Variants in TMEM245 observed in about 807,000 individuals in gnomAD.
The protein encoded by TMEM245 is transmembrane protein 245.
TMEM245 carries 69 observed loss-of-function variants against 101.2 expected under a neutral mutation model. The ratio of observed to expected loss-of-function variants is 0.68; its 90% CI spans 0.56 to 0.83. TMEM245 has a LOEUF of 0.83. TMEM245 is among the 40% of genes least tolerant of loss of function. The probability of loss-of-function intolerance (pLI) is 0.00; values close to 1 mark genes in which losing one functional copy is unlikely to be tolerated. For missense variants in TMEM245, 1,075 were observed against 1,092.8 expected (o/e 0.98, Z 0.23); for synonymous variants, 537 against 449.8 (o/e 1.19, Z -2.45).
At chr9:109,027,696 A>T (rs1247097388) in intron 17 of TMEM245, among the ~76,000 whole-genome samples, 1 of 151,810 alleles carries the variant, frequency 6.6e-6, no homozygotes, top group African/African-American at 2.4e-5. Context: ...TTTGAGACAG[A>T]GTCTCGCTCT....
intron 14 of TMEM245, chr9:109,046,244 A>G (rs896469014): frequency 7.5e-6 from 4 of 534,480 alleles, no homozygotes; most frequent in South Asian, 2.8e-5. Context: ...TATCACACAC[A>G]CTAAATTGCA....
At chr9:109,047,977 A>G (rs1255206425) in intron 14 of TMEM245, among the ~76,000 whole-genome samples, 1 of 152,256 alleles carries the variant, frequency 6.6e-6, no homozygotes, top group African/African-American at 2.4e-5. Context: ...ACAAAAGATT[A>G]TCTATTGCTA....
chr9:109,055,220 T>C (rs1041353254), intron 12 of TMEM245, among the ~76,000 whole-genome samples: 2 of 152,242 alleles, frequency 1.3e-5, no homozygotes, highest in Non-Finnish European at 2.9e-5. Flanking sequence ...AGGGATTCAA[T>C]AACTTTTAGT....
chr9:109,017,567 C>T lies in TMEM245; in HGVS notation c.*2893G>A, dbSNP rs571200464. On this transcript the variant is annotated 3_prime_UTR_variant, in exon 18 of 18. Transcript: ENST00000374586. ...TGTATTTTCTCCCCTCCCATCCATT[C>T]GGTTTACAACTGAATAGCGAATGTG... is the stretch of plus-strand genomic sequence containing the variant. The T allele has an allele frequency of 3.3e-5, 5 of 152,256 alleles. No individual in the cohort carries two copies. The highest frequency in any genetic ancestry group is 2.1e-4 in the South Asian group (1 of 4,806). 9.4% of individuals were successfully genotyped at this position (152,256 alleles called of 1,614,324 possible).
In TMEM245 at chr9:109,108,450, C is replaced by T. The variant is rs1306130351; in HGVS notation, c.697+3G>A. ...AAAAAAAAAAAAAAAAGAAGGAACC[C>T]ACCTAAATGAAAAAGCAATATAATC... On this transcript the variant is annotated splice_donor_region_variant and intron_variant, in intron 2 of 17. Transcript: ENST00000374586. The T allele has an allele frequency of 6.8e-7, 1 of 1,479,430 alleles. No homozygotes were observed. Among genetic ancestry groups the T allele is most frequent in the Non-Finnish European group, 9.1e-7 (1 of 1,097,082 alleles). The allele number at this position is 1,479,430 out of a possible 1,614,324, so 91.6% of individuals were successfully genotyped here. A position where few individuals can be genotyped will look rare whatever the true frequency, so the allele number is the denominator to read the frequency against.
At position 109,093,515 on chromosome 9, in the gene TMEM245, A is replaced by G. The variant is rs1434906042; in HGVS notation, c.876T>C (p.Tyr292=). The G allele has an allele frequency of 6.2e-7, 1 of 1,614,118 alleles. No individual in the cohort carries two copies. The highest frequency in any genetic ancestry group is 1.7e-5 in the Admixed American group (1 of 60,010). The change falls in exon 4 of 18, where the codon TAT becomes TAC. Residue 292 remains tyrosine, a synonymous_variant. Coordinates refer to ENST00000374586, the MANE Select transcript of TMEM245 (RefSeq NM_032012.4). ...LANLAISITG[Y]ESSSEDQPST... ...AGGGCTGGTCTTCACTGCTTGATTC[A>G]TACCCTGTGATAGAGATGGCCAAGT...
At position 109,091,022 on chromosome 9, in the gene TMEM245, T is replaced by A. The variant is rs1449566125; in HGVS notation, c.1050A>T (p.Lys350Asn). The A allele has an allele frequency of 2.5e-6, 4 of 1,614,166 alleles. No homozygotes were observed. The highest frequency in any genetic ancestry group is 2.5e-6 in the Non-Finnish European group (3 of 1,180,028). Residue 350 changes from lysine (K) to asparagine (N), a missense_variant, in exon 5 of 18, where the codon AAA becomes AAT. Transcript: ENST00000374586. ...GAGACACAAAGTAGATGTCACTAGT[T>A]TTCTTCTTTCTAAGAAACGTTCCTA... The part of the protein sequence containing the change: ...PEIGTFLRKK[K>N]TSDIYFVSLV...
intron 14 of TMEM245, among the ~76,000 whole-genome samples, chr9:109,043,588 C>T (rs1030144462): frequency 8.2e-5 from 10 of 121,330 alleles, no homozygotes; most frequent in African/African-American, 2.8e-4. Context: ...GCTCTCCTAG[C>T]ACTCAATAGT....
chr9:109,032,375 T>C (rs918239006), intron 17 of TMEM245, among the ~76,000 whole-genome samples: 3 of 60,768 alleles, frequency 4.9e-5, no homozygotes, highest in South Asian at 6.7e-4. Flanking sequence ...CTTTTTTTTT[T>C]TTTTTTTTTT....
At chr9:109,094,680 T>C (rs1283531674) in intron 3 of TMEM245, among the ~76,000 whole-genome samples, 1 of 152,210 alleles carries the variant, frequency 6.6e-6, no homozygotes, top group Non-Finnish European at 1.5e-5. Flanking sequence ...AGAAATTCCA[T>C]GTGCAAAAAT....
intron 14 of TMEM245, among the ~76,000 whole-genome samples, chr9:109,040,849 G>A (rs1828280090): frequency 6.6e-6 from 1 of 152,106 alleles, no homozygotes; most frequent in Non-Finnish European, 1.5e-5. Flanking sequence ...CAGCTGATGG[G>A]CATTTGAGGT....
chr9:109,119,575 G>T lies in TMEM245; in HGVS notation c.339C>A (p.His113Gln), dbSNP rs1258768818. ...CCAGGACGATGGGCGTGTGCGCGCGGTGCAGGCGCTGCAGCCAGTGGCGGC... is the reference window on the plus strand; with the variant it reads ...CCAGGACGATGGGCGTGTGCGCGCGTTGCAGGCGCTGCAGCCAGTGGCGGC... Reference protein sequence around the residue: ...RLGRHWLQRLHRAHTPIVLAA... With the variant: ...RLGRHWLQRLQRAHTPIVLAA... Residue 113 changes from histidine (H) to glutamine (Q), a missense_variant, in exon 1 of 18, where the codon CAC becomes CAA. This residue lies in a region of TMEM245 where 808 missense variants were observed against 741.5 expected (regional missense o/e 1.09). Transcript: ENST00000374586. 3.2e-6 allele frequency: 5 copies of T among 1,544,616 alleles called. No homozygotes were observed. Among genetic ancestry groups the T allele is most frequent in the Non-Finnish European group, 2.6e-6 (3 of 1,149,700 alleles).
chr9:109,031,924 G>A (rs191250177), intron 17 of TMEM245, among the ~76,000 whole-genome samples: 12 of 152,242 alleles, frequency 7.9e-5, no homozygotes, highest in Admixed American at 7.2e-4. Flanking sequence ...CTATATTGGT[G>A]TCCCAAATAA....
intron 1 of TMEM245, among the ~76,000 whole-genome samples, chr9:109,112,368 C>T (rs1031631046): frequency 6.6e-6 from 1 of 151,968 alleles, no homozygotes; most frequent in South Asian, 2.1e-4. Context: ...TGGTGAAACC[C>T]CTTCTCTACT....
chr9:109,116,564 C>T (rs1339272192), intron 1 of TMEM245, among the ~76,000 whole-genome samples: 1 of 150,786 alleles, frequency 6.6e-6, no homozygotes, highest in Non-Finnish European at 1.5e-5. Context: ...CAGGGTATTG[C>T]TCTGTCACCT....
intron 1 of TMEM245, among the ~76,000 whole-genome samples, chr9:109,108,995 AG>A (rs767797505): frequency 6.6e-6 from 1 of 152,204 alleles, no homozygotes; most frequent in Non-Finnish European, 1.5e-5. Context: ...AAAAAGAATC[AG>A]GTTAAAAGAT....
Position 109,093,556 on chromosome 9 carries a change from C to T in TMEM245, c.835G>A (p.Ala279Thr). 6.2e-7 allele frequency: 1 copy of T among 1,614,120 alleles called. No homozygotes were observed. Among genetic ancestry groups the T allele is most frequent in the East Asian group, 2.2e-5 (1 of 44,884 alleles). Reference sequence around the variant, plus strand: ...ATGGCCAAGTTTGCCAGAGTAGAAGCTGCCATGGAGATAACCTGCCCTGGT... The same window carrying T: ...ATGGCCAAGTTTGCCAGAGTAGAAGTTGCCATGGAGATAACCTGCCCTGGT... ...ELPGQVISMA[A>T]STLANLAISI... is the part of the protein sequence containing the mutation. Residue 279 changes from alanine to threonine, a missense_variant, in exon 4 of 18, where the codon GCT (alanine) becomes ACT (threonine). By Grantham distance (58) the Ala-to-Thr change is moderately conservative. This residue lies in a region of TMEM245 where 808 missense variants were observed against 741.5 expected (regional missense o/e 1.09). Transcript: ENST00000374586.
At chr9:109,067,263 C>A (rs932032553) in intron 9 of TMEM245, among the ~76,000 whole-genome samples, 2 of 152,104 alleles carry the variant, frequency 1.3e-5, no homozygotes, top group Non-Finnish European at 2.9e-5. Context: ...GTCCCAGCCT[C>A]CCTCAAGAGA....
At chr9:109,030,718 C>T (rs115456583) in intron 17 of TMEM245, among the ~76,000 whole-genome samples, 12 of 152,178 alleles carry the variant, frequency 7.9e-5, no homozygotes, top group African/African-American at 2.7e-4. Flanking sequence ...TCAAAATCAC[C>T]GAAGCACCTC....
Sources: gnomAD v4.1 joint callset for allele counts (sites outside exome capture counted in the v4.1 genomes callset) on GRCh38, gnomAD v4.1.1 for gene constraint, gnomAD v4.1.1 regional missense constraint, MANE v1.5 for transcripts, NCBI Gene and HGNC (gene_info 2026-07-23, HGNC 2026-07-21) for gene names.